PDE10A: variants seen among roughly 807,000 people sequenced by gnomAD.
The protein encoded by PDE10A is cAMP and cAMP-inhibited cGMP 3',5'-cyclic phosphodiesterase 10A.
Under a neutral mutation model 97.7 loss-of-function variants are expected in PDE10A, and 39 were observed. The observed-to-expected ratio is 0.40, with a 90% confidence interval of 0.31 to 0.52. PDE10A has a LOEUF of 0.52. PDE10A is among the 20% of genes least tolerant of loss of function. PDE10A has a pLI of 0.56. For missense variants in PDE10A, 731 were observed against 1,047.8 expected, an observed-to-expected ratio of 0.70 and a Z score of 4.17; for synonymous variants, 371 against 376.8, an observed-to-expected ratio of 0.98 and a Z score of 0.18.
intron 1 of PDE10A, among the ~76,000 whole-genome samples, chr6:165,916,517 CTG>C (rs1404573748): frequency 6.6e-6 from 1 of 152,228 alleles, no homozygotes; most frequent in Non-Finnish European, 1.5e-5. Context: ...CTTATGGCTG[CTG>C]TGTCTTACGG....
At chr6:165,627,824 A>G (rs1562642263) in intron 1 of PDE10A, among the ~76,000 whole-genome samples, 1 of 152,250 alleles carries the variant, frequency 6.6e-6, no homozygotes, top group African/African-American at 2.4e-5. Context: ...TGTACCTATC[A>G]GAGCAAGACT....
intron 1 of PDE10A, among the ~76,000 whole-genome samples, chr6:165,777,486 C>T (rs770541858): frequency 8.3e-6 from 1 of 120,128 alleles, no homozygotes; most frequent in Non-Finnish European, 1.7e-5. Context: ...GAGGGAATCT[C>T]GTCTTTGCAG....
chr6:165,909,386 A>G (rs1399825400), intron 1 of PDE10A, among the ~76,000 whole-genome samples: 3 of 152,246 alleles, frequency 2.0e-5, no homozygotes, highest in African/African-American at 7.2e-5. Context: ...GCACATTTTT[A>G]TATTGCTCGC....
chr6:165,655,527 ACG>A lies in PDE10A; in HGVS notation c.865+6418_865+6419del, dbSNP rs762827751. Among the ~76,000 whole-genome samples the A allele has an allele frequency of 9.4e-5, 14 of 148,884 alleles. No individual in the cohort carries two copies. Among genetic ancestry groups the A allele is most frequent in the South Asian group, 2.2e-4 (1 of 4,586 alleles). ...TCCAACCCACCTGCAGGTCTTATAC[ACG>A]CCACCTCCAAACACCTCCTGAACCA... On this transcript the variant is annotated intron_variant, in intron 1 of 21. Coordinates refer to ENST00000539869, the MANE Select transcript of PDE10A (RefSeq NM_001385079.1). This position sits in a 1 kb window ranked among gnomAD's most constrained non-coding sequence, Gnocchi z 4.5.
chr6:165,857,241 G>C (rs567902570), intron 1 of PDE10A, among the ~76,000 whole-genome samples: 2 of 152,102 alleles, frequency 1.3e-5, no homozygotes, highest in Non-Finnish European at 2.9e-5. Flanking sequence ...CATCTCAGTC[G>C]GCTAAGTATG....
At chr6:165,679,972 G>A (rs550656769) in intron 1 of PDE10A, among the ~76,000 whole-genome samples, 4 of 152,016 alleles carry the variant, frequency 2.6e-5, no homozygotes, top group Non-Finnish European at 4.4e-5. Flanking sequence ...TATGGTGGGT[G>A]CTGCTGGTTA....
intron 13 of PDE10A, among the ~76,000 whole-genome samples, chr6:165,412,724 T>G (rs185865220): frequency 1.8e-3 from 271 of 152,272 alleles, no homozygotes; most frequent in African/African-American, 6.3e-3. Flanking sequence ...CGGTTACTCC[T>G]ATGGAATCCA....
chr6:165,751,150 T>A lies in PDE10A; in HGVS notation c.-614-207582A>T, dbSNP rs533775802. 3.9e-5 allele frequency among the ~76,000 whole-genome samples: 6 copies of A among 152,278 alleles called. No individual in the cohort carries two copies. The South Asian group carries it at 1.2e-3, about 32-fold the overall frequency. ...CATTAGACGCTCACTGACGTCACAT[T>A]TCACAGGCAACCCAGAGTCACCACA... On this transcript the variant is annotated intron_variant, in intron 1 of 19. Coordinates refer to the PDE10A transcript ENST00000366882.
chr6:165,628,005 T>C (rs1465170761), intron 1 of PDE10A, among the ~76,000 whole-genome samples: 1 of 152,216 alleles, frequency 6.6e-6, no homozygotes, highest in Non-Finnish European at 1.5e-5. Flanking sequence ...ACCTGGAATA[T>C]AAACCAATGC....
intron 1 of PDE10A, among the ~76,000 whole-genome samples, chr6:165,580,797 C>A (rs1477187713): frequency 6.6e-6 from 1 of 151,758 alleles, no homozygotes; most frequent in Non-Finnish European, 1.5e-5. Context: ...AAGTCTCCCA[C>A]CCAATGAGAA....
chr6:165,485,390 C>T (rs1779846053), intron 2 of PDE10A, among the ~76,000 whole-genome samples: 1 of 149,896 alleles, frequency 6.7e-6, no homozygotes, highest in Non-Finnish European at 1.5e-5. Flanking sequence ...ATCACTTGAA[C>T]CCAGGAGGCA....
chr6:165,670,811 T>G (rs1180082370), intron 1 of PDE10A, among the ~76,000 whole-genome samples: 2 of 152,176 alleles, frequency 1.3e-5, no homozygotes, highest in Non-Finnish European at 2.9e-5. Context: ...ATCCATACTT[T>G]CAGTGAAGAA....
chr6:165,832,947 C>G (rs1433383168), intron 1 of PDE10A, among the ~76,000 whole-genome samples: 1 of 152,200 alleles, frequency 6.6e-6, no homozygotes, highest in African/African-American at 2.4e-5. Context: ...CCTGCCTGGT[C>G]CATGTCTAAT....
At chr6:165,758,680 AAAG>A (rs959332861) in intron 1 of PDE10A, among the ~76,000 whole-genome samples, 1 of 150,974 alleles carries the variant, frequency 6.6e-6, no homozygotes, top group Non-Finnish European at 1.5e-5. Flanking sequence ...GAAGAGGAAG[AAAG>A]AAGGAGAAGG....
intron 3 of PDE10A, among the ~76,000 whole-genome samples, chr6:165,476,576 T>C (rs1251573520): frequency 6.6e-6 from 1 of 152,164 alleles, no homozygotes; most frequent in African/African-American, 2.4e-5. Context: ...AAGAACCCCA[T>C]GCACCAAGAA....
intron 1 of PDE10A, among the ~76,000 whole-genome samples, chr6:165,817,557 G>C (rs917824311): frequency 6.6e-6 from 1 of 152,086 alleles, no homozygotes; most frequent in Admixed American, 6.5e-5. Context: ...TAGGTGTCTT[G>C]ACATGTTTCT....
intron 1 of PDE10A, among the ~76,000 whole-genome samples, chr6:165,695,832 A>C (rs1791430055): frequency 6.6e-6 from 1 of 152,194 alleles, no homozygotes; most frequent in Non-Finnish European, 1.5e-5. Context: ...TCTTGAGGTC[A>C]GAAAAAATAT....
rs557088872 is a variant in PDE10A, at chr6:165,543,361, C to T, written c.994+79G>A. 1.6e-4 allele frequency: 194 copies of T among 1,242,816 alleles called. No homozygotes were observed. In the African/African-American group the frequency reaches 2.7e-3, roughly 17 times the overall value. The allele number at this position is 1,242,816 out of a possible 1,614,324, so 77.0% of individuals were successfully genotyped here. A position where few individuals can be genotyped will look rare whatever the true frequency, so the allele number is the denominator to read the frequency against. On this transcript the variant is annotated intron_variant, in intron 2 of 21. Coordinates refer to ENST00000539869, the MANE Select transcript of PDE10A (RefSeq NM_001385079.1). ...ATTTGTCTACTTTATATTTCACACTCTAGAATATATTAAATGCTTAGTCTT... is the reference window on the plus strand; with the variant it reads ...ATTTGTCTACTTTATATTTCACACTTTAGAATATATTAAATGCTTAGTCTT...
intron 1 of PDE10A, among the ~76,000 whole-genome samples, chr6:165,553,858 A>C (rs1784128972): frequency 6.6e-6 from 1 of 152,208 alleles, no homozygotes; most frequent in Non-Finnish European, 1.5e-5. Flanking sequence ...ATTTTTTGAT[A>C]GAACTATTAA....
Sources: gnomAD v4.1 joint callset for allele counts (sites outside exome capture counted in the v4.1 genomes callset) on GRCh38, gnomAD v4.1.1 for gene constraint, Gnocchi (gnomAD v3.1) non-coding constraint, MANE v1.5 for transcripts, NCBI Gene and HGNC (gene_info 2026-07-23, HGNC 2026-07-21) for gene names.